Variants in SNTG2 observed in about 807,000 individuals in gnomAD.
The protein encoded by SNTG2 is gamma-2-syntrophin.
SNTG2 carries 74 observed loss-of-function variants against 70.9 expected under a neutral mutation model. The ratio of observed to expected loss-of-function variants is 1.04; its 90% confidence interval spans 0.86 to 1.27. SNTG2 has a LOEUF of 1.27. Among genes scored for constraint, SNTG2 ranks in the 50% most tolerant of loss-of-function variants. SNTG2 has a pLI of 0.00. For synonymous variants in SNTG2, 278 were observed against 273.8 expected, an observed-to-expected ratio of 1.02 and a Z score of -0.15; for missense variants, 717 against 690.7, an observed-to-expected ratio of 1.04 and a Z score of -0.43.
chr2:1,253,268 A>G (rs1285193875), intron 12 of SNTG2, among the ~76,000 whole-genome samples: 1 of 151,994 alleles, frequency 6.6e-6, no homozygotes, highest in East Asian at 1.9e-4. Context: ...ACTAACACCA[A>G]TCAGACCTCT....
At chr2:1,352,464 C>A (rs921532352) in intron 16 of SNTG2, among the ~76,000 whole-genome samples, 1 of 152,216 alleles carries the variant, frequency 6.6e-6, no homozygotes, top group Non-Finnish European at 1.5e-5. Context: ...CTCCTCCTAG[C>A]AGCTGGGCCC....
intron 1 of SNTG2, among the ~76,000 whole-genome samples, chr2:1,016,947 C>G (rs1220005998): frequency 1.3e-5 from 2 of 152,150 alleles, no homozygotes; most frequent in African/African-American, 4.8e-5. Flanking sequence ...CATACCTTAT[C>G]CAACTGAAGC....
In SNTG2 at chr2:1,137,746, TCTTA is replaced by T. The variant is rs757881445; in HGVS notation, c.370-18_370-15del. 8.1e-6 allele frequency: 13 copies of T among 1,613,704 alleles called. No homozygotes were observed. The highest frequency in any genetic ancestry group is 1.1e-5 in the Non-Finnish European group (13 of 1,179,788). On this transcript the variant is annotated intron_variant, in intron 5 of 16. Transcript: ENST00000308624. Reference sequence around the variant, plus strand: ...ATTAATCAATCGTTATTCTCAACATTCTTACTTTGTCATCTGTTCAGGTTAATGG... The same window carrying T: ...ATTAATCAATCGTTATTCTCAACATTCTTTGTCATCTGTTCAGGTTAATGG...
chr2:994,663 C>T (rs568748934), intron 1 of SNTG2, among the ~76,000 whole-genome samples: 1 of 152,004 alleles, frequency 6.6e-6, no homozygotes, highest in South Asian at 2.1e-4. Flanking sequence ...TAAATTTTAA[C>T]TGTATTGCCT....
chr2:1,002,508 C>T (rs971642873), intron 1 of SNTG2, among the ~76,000 whole-genome samples: 8 of 151,934 alleles, frequency 5.3e-5, no homozygotes, highest in East Asian at 1.9e-4. Flanking sequence ...TAATGCTGAA[C>T]GACACTGATC....
intron 16 of SNTG2, chr2:1,340,911 AGAAAT>A (rs1660052104): frequency 6.6e-6 from 1 of 152,218 alleles, no homozygotes; most frequent in African/African-American, 2.4e-5. Context: ...GCTCAAAGAA[AGAAAT>A]TAAATTATTA....
chr2:1,269,851 C>A (rs1183253860), intron 14 of SNTG2, among the ~76,000 whole-genome samples: 1 of 152,132 alleles, frequency 6.6e-6, no homozygotes, highest in Non-Finnish European at 1.5e-5. Flanking sequence ...TGTTAACAAG[C>A]CGGCACACCT....
intron 1 of SNTG2, among the ~76,000 whole-genome samples, chr2:1,001,056 A>C (rs1174140852): frequency 2.0e-5 from 3 of 152,078 alleles, no homozygotes; most frequent in Non-Finnish European, 4.4e-5. Flanking sequence ...GAAGCATTCA[A>C]TAAATTCCAA....
chr2:1,045,357 CT>C (rs922791715), intron 1 of SNTG2, among the ~76,000 whole-genome samples: 1 of 151,754 alleles, frequency 6.6e-6, no homozygotes, highest in Non-Finnish European at 1.5e-5. Flanking sequence ...CGTTCATCTC[CT>C]ATGGTTTTTC....
At chr2:1,166,761 G>T (rs1388977434) in intron 7 of SNTG2, among the ~76,000 whole-genome samples, 2 of 152,184 alleles carry the variant, frequency 1.3e-5, no homozygotes, top group Non-Finnish European at 1.5e-5. Context: ...CCCATCCTAT[G>T]CCTATAACAA....
intron 1 of SNTG2, among the ~76,000 whole-genome samples, chr2:1,031,524 ATATATT>A (rs1371154243): frequency 4.4e-5 from 2 of 45,486 alleles, no homozygotes; most frequent in Non-Finnish European, 4.2e-5. Context: ...ATATATATAT[ATATATT>A]TTTTTTTTTT....
intron 7 of SNTG2, among the ~76,000 whole-genome samples, chr2:1,170,404 C>T (rs1057123823): frequency 2.0e-5 from 3 of 152,182 alleles, no homozygotes; most frequent in African/African-American, 4.8e-5. Context: ...CCCCAGCCCT[C>T]GGCAGCCGGG....
intron 1 of SNTG2, among the ~76,000 whole-genome samples, chr2:964,353 C>T (rs938790061): frequency 3.3e-5 from 5 of 152,176 alleles, no homozygotes; most frequent in Non-Finnish European, 5.9e-5. Context: ...CGCCTGCCTC[C>T]GCCCCTTCGT....
intron 14 of SNTG2, among the ~76,000 whole-genome samples, chr2:1,279,077 GACCCCTCTGTCAGTGCGCGAATC>G (rs1395082964): frequency 8.3e-5 from 6 of 72,416 alleles, no homozygotes; most frequent in African/African-American, 2.0e-4. Context: ...GTGCGCGAAT[GACCCCTCTGTCAGTGCGCGAATC>G]ACCCCTGTCA....
At chr2:1,176,274 CA>C (rs994302027) in intron 8 of SNTG2, among the ~76,000 whole-genome samples, 2 of 151,948 alleles carry the variant, frequency 1.3e-5, no homozygotes, top group African/African-American at 4.8e-5. Flanking sequence ...AGAAGGCTAT[CA>C]AGACTCAATA....
At chr2:1,167,409 G>T (rs959251179) in intron 7 of SNTG2, among the ~76,000 whole-genome samples, 21 of 146,334 alleles carry the variant, frequency 1.4e-4, no homozygotes, top group East Asian at 4.2e-4. Flanking sequence ...CCCACAGACG[G>T]CAGAACTGAA....
chr2:1,180,445 C>T (rs1337801566), intron 8 of SNTG2, among the ~76,000 whole-genome samples: 2 of 130,178 alleles, frequency 1.5e-5, no homozygotes, highest in African/African-American at 2.7e-5. Context: ...GACATTTATG[C>T]AGCCAAAAAA....
chr2:1,294,489 G>A (rs140561976), intron 14 of SNTG2, among the ~76,000 whole-genome samples: 2 of 152,212 alleles, frequency 1.3e-5, no homozygotes, highest in Admixed American at 6.5e-5. Flanking sequence ...GGAGAAAGTA[G>A]ATGAGTTTCT....
intron 16 of SNTG2, among the ~76,000 whole-genome samples, chr2:1,336,701 T>C (rs1344347796): frequency 6.6e-6 from 1 of 152,216 alleles, no homozygotes; most frequent in African/African-American, 2.4e-5. Context: ...CCCCACATCA[T>C]TTATTGAAGA....
Sources: gnomAD v4.1 joint callset for allele counts (sites outside exome capture counted in the v4.1 genomes callset) on GRCh38, gnomAD v4.1.1 for gene constraint, MANE v1.5 for transcripts, NCBI Gene and HGNC (gene_info 2026-07-23, HGNC 2026-07-21) for gene names.